Variants in RAPGEF6 observed in about 807,000 individuals in gnomAD.
RAPGEF6 encodes the protein Rap guanine nucleotide exchange factor 6.
A neutral mutation model predicts 171.4 loss-of-function variants in RAPGEF6; 56 were observed. The observed-to-expected ratio is 0.33, with a 90% CI of 0.26 to 0.41. The LOEUF (loss-of-function observed/expected upper bound fraction) is 0.41, where lower values mean the gene tolerates loss of function less well. RAPGEF6 is among the 10% of genes least tolerant of loss of function. The pLI, the probability that RAPGEF6 is intolerant of heterozygous loss-of-function variation, is 1.00. For synonymous variants in RAPGEF6, 692 were observed against 650.1 expected (o/e 1.06, Z -0.98); for missense variants, 1,674 against 1,921.4 (o/e 0.87, Z 2.41).
chr5:131,635,018 C>T lies in RAPGEF6; in HGVS notation c.13G>A (p.Val5Met). Residue 5 changes from valine to methionine, a missense_variant, in exon 1 of 28, where the codon GTG becomes ATG. Physicochemically the swap from Val to Met is conservative, Grantham distance 21 (BLOSUM62 1). This residue lies in a region of RAPGEF6 where 1,116 missense variants were observed against 1,321.5 expected (regional missense o/e 0.84). Transcript: ENST00000509018. MNSP[V>M]DPGARQALRK... ...AACGCCTGCCTAGCGCCAGGGTCCA[C>T]GGGTGAGTTCATGGCCACGGCCCGG... is the stretch of plus-strand genomic sequence containing the variant. 1 of 1,611,806 alleles carries T rather than the reference C, an allele frequency of 6.2e-7. No individual in the cohort carries two copies. Among genetic ancestry groups the T allele is most frequent in the Non-Finnish European group, 8.5e-7 (1 of 1,178,314 alleles).
chr5:131,522,295 TAAGAC>T (rs1459713089), intron 6 of RAPGEF6, among the ~76,000 whole-genome samples: 1 of 152,166 alleles, frequency 6.6e-6, no homozygotes, highest in East Asian at 1.9e-4. Flanking sequence ...CTACAGAAAT[TAAGAC>T]AATAAACAAA....
At chr5:131,473,106 C>T (rs2149848287) in intron 16 of RAPGEF6, among the ~76,000 whole-genome samples, 1 of 152,270 alleles carries the variant, frequency 6.6e-6, no homozygotes, top group South Asian at 2.1e-4. Context: ...TGCACAGCCA[C>T]ACCATAGCAA....
chr5:131,448,098 C>T (rs963028909), intron 21 of RAPGEF6, among the ~76,000 whole-genome samples: 4 of 152,172 alleles, frequency 2.6e-5, no homozygotes, highest in African/African-American at 9.7e-5. Flanking sequence ...GAGAGCCCAG[C>T]ACCAGCAGCT....
At chr5:131,438,360 C>G (rs139170325) in intron 24 of RAPGEF6, among the ~76,000 whole-genome samples, 1 of 152,200 alleles carries the variant, frequency 6.6e-6, no homozygotes, top group Non-Finnish European at 1.5e-5. Flanking sequence ...GGTCTGACAT[C>G]ACTGTACATA....
chr5:131,487,224 G>C (rs1013794597), intron 15 of RAPGEF6, among the ~76,000 whole-genome samples: 1 of 152,172 alleles, frequency 6.6e-6, no homozygotes, highest in Non-Finnish European at 1.5e-5. Flanking sequence ...GGACCTTCGC[G>C]GCGAGTGTTA....
At chr5:131,472,848 G>T in intron 16 of RAPGEF6, 104 bp from the exon 17 acceptor site, 1 of 1,004,380 alleles carries the variant, frequency 1.0e-6, no homozygotes, top group Non-Finnish European at 1.4e-6. Context: ...AATTCAAAGA[G>T]GTGATTTAAA....
chr5:131,627,408 T>C (rs1283825709), intron 1 of RAPGEF6, among the ~76,000 whole-genome samples: 1 of 152,264 alleles, frequency 6.6e-6, no homozygotes, highest in African/African-American at 2.4e-5. Flanking sequence ...TGCTACCTTT[T>C]TAACATATGA....
intron 3 of RAPGEF6, among the ~76,000 whole-genome samples, chr5:131,594,457 C>T (rs1763772069): frequency 6.6e-6 from 1 of 152,222 alleles, no homozygotes; most frequent in South Asian, 2.1e-4. Flanking sequence ...GAGGCAGAGC[C>T]CTCATGGAGA....
rs765689601 is a variant in RAPGEF6, at chr5:131,479,722, T to C, written c.1872A>G (p.Gln624=). 1.2e-6 allele frequency: 2 copies of C among 1,614,018 alleles called. No individual in the cohort carries two copies. Among genetic ancestry groups the C allele is most frequent in the Middle Eastern group, 1.7e-4 (1 of 6,058 alleles). The change falls in exon 16 of 28, where the codon CAA becomes CAG. Residue 624 remains glutamine (Q), a synonymous_variant. Coordinates refer to ENST00000509018, the MANE Select transcript of RAPGEF6 (RefSeq NM_016340.6). ...VFKELLFRTE[Q]EKSGVPHIPK... is the part of the protein sequence containing the mutation. ...GAATATGAGGAACACCAGATTTCTC[T>C]TGTTCAGTCCTAAAAAGTAACTCTT...
At chr5:131,578,736 C>T (rs1276359224) in intron 4 of RAPGEF6, among the ~76,000 whole-genome samples, 1 of 152,206 alleles carries the variant, frequency 6.6e-6, no homozygotes, top group African/African-American at 2.4e-5. Flanking sequence ...CATTAACAAA[C>T]AGATGGGAGC....
intron 21 of RAPGEF6, 163 bp from the exon 22 acceptor site, chr5:131,446,866 C>T (rs914298352): frequency 1.4e-4 from 94 of 657,940 alleles, no homozygotes; most frequent in South Asian, 3.0e-4. Context: ...CATATGGTGA[C>T]GTTCTGAATT....
intron 24 of RAPGEF6, among the ~76,000 whole-genome samples, chr5:131,438,507 A>G (rs539947465): frequency 2.8e-4 from 43 of 152,324 alleles, no homozygotes; most frequent in African/African-American, 1.0e-3. Context: ...CCCTCTGACC[A>G]TGTACCATCC....
intron 17 of RAPGEF6, among the ~76,000 whole-genome samples, chr5:131,471,292 C>A (rs902208255): frequency 6.6e-6 from 1 of 152,134 alleles, no homozygotes; most frequent in Non-Finnish European, 1.5e-5. Flanking sequence ...GTTTAATAAT[C>A]GCTCTAGTGG....
chr5:131,509,819 T>C (rs1460491558), intron 8 of RAPGEF6, among the ~76,000 whole-genome samples: 1 of 152,242 alleles, frequency 6.6e-6, no homozygotes, highest in East Asian at 1.9e-4. Context: ...AGACCCATTC[T>C]ATACTGTATC....
chr5:131,523,409 T>G (rs749613027), intron 6 of RAPGEF6, among the ~76,000 whole-genome samples: 33 of 150,702 alleles, frequency 2.2e-4, no homozygotes, highest in South Asian at 6.3e-4. Context: ...ATCATATATA[T>G]AGAGAAAAAT....
chr5:131,517,485 A>G (rs1314851154), intron 7 of RAPGEF6, among the ~76,000 whole-genome samples: 1 of 149,198 alleles, frequency 6.7e-6, no homozygotes, highest in Admixed American at 6.8e-5. Flanking sequence ...AACTGTCCAA[A>G]TTAAAAATAC....
rs1205850374 is a variant in RAPGEF6 at position 131,431,007 on chromosome 5, C to T, written c.4317G>A (p.Leu1439=). Residue 1439 remains leucine, a synonymous_variant, in exon 26 of 28, where the codon CTG becomes CTA. Transcript: ENST00000509018. The part of the protein sequence containing the change: ...ERKSWTSSSS[L]SDTYEPNYGT... Reference sequence around the variant, plus strand: ...CATAGTTTGGTTCATACGTGTCAGACAGAGAACTGGAGGAGGTCCAACTCT... The same window carrying T: ...CATAGTTTGGTTCATACGTGTCAGATAGAGAACTGGAGGAGGTCCAACTCT... The T allele has an allele frequency of 3.1e-6, 5 of 1,614,200 alleles. No individual in the cohort carries two copies. Among genetic ancestry groups the T allele is most frequent in the African/African-American group, 1.3e-5 (1 of 75,038 alleles).
intron 6 of RAPGEF6, among the ~76,000 whole-genome samples, chr5:131,534,606 G>GTTTTT (rs66792688): frequency 2.1e-5 from 3 of 144,874 alleles, no homozygotes; most frequent in African/African-American, 5.0e-5. Flanking sequence ...GCACCAATGT[G>GTTTTT]TTTTTTTTTT....
rs144765974 is a variant in RAPGEF6, at chr5:131,460,313, C to A, written c.2864+1392G>T. Among the ~76,000 whole-genome samples the A allele has an allele frequency of 1.5e-3, 223 of 152,172 alleles. 1 individual carries two copies. The highest frequency in any genetic ancestry group is 5.2e-3 in the African/African-American group (214 of 41,526). On this transcript the variant is annotated intron_variant, in intron 19 of 27. Transcript: ENST00000509018. ...TACTCTGTTTCTTGTACTGATCCTC[C>A]ATCTCTTTGGCTAGACTCTTTTTCC...
Sources: gnomAD v4.1 joint callset for allele counts (sites outside exome capture counted in the v4.1 genomes callset) on GRCh38, gnomAD v4.1.1 for gene constraint, gnomAD v4.1.1 regional missense constraint, MANE v1.5 for transcripts, NCBI Gene and HGNC (gene_info 2026-07-23, HGNC 2026-07-21) for gene names.